The following CDH1 variants were observed in gnomAD, a reference collection of about 807,000 sequenced individuals.
The protein encoded by CDH1 is cadherin 1, also known as cadherin-1.
CDH1 carries 35 observed loss-of-function variants against 84.5 expected under a neutral mutation model. The observed-to-expected ratio is 0.41, with a 90% CI of 0.32 to 0.55. The LOEUF (loss-of-function observed/expected upper bound fraction) is 0.55. Among genes scored for constraint, CDH1 ranks in the 20% least tolerant of loss-of-function variants. The pLI is 0.19. For synonymous variants in CDH1, 417 were observed against 439.0 expected (o/e 0.95, Z 0.63); for missense variants, 994 against 1,126.6 (o/e 0.88, Z 1.68).
chr16:68,770,467 A>G (rs140496837), intron 2 of CDH1, among the ~76,000 whole-genome samples: 59 of 152,202 alleles, frequency 3.9e-4, no homozygotes, highest in Middle Eastern at 6.8e-3. Flanking sequence ...GGTACCAGCC[A>G]GTTGACATCC....
At chr16:68,784,307 C>T (rs1959978487) in intron 2 of CDH1, among the ~76,000 whole-genome samples, 1 of 152,140 alleles carries the variant, frequency 6.6e-6, no homozygotes, top group Non-Finnish European at 1.5e-5. Context: ...CTGTGCATTA[C>T]AGATGATAAA....
At chr16:68,748,050 C>T (rs1962789205) in intron 2 of CDH1, among the ~76,000 whole-genome samples, 1 of 151,722 alleles carries the variant, frequency 6.6e-6, no homozygotes, top group African/African-American at 2.4e-5. Flanking sequence ...AGGCGTGAGC[C>T]ACCGTGCCTG....
At position 68,792,289 on chromosome 16, in the gene CDH1, GC is replaced by G. The variant is rs536443398; in HGVS notation, c.164-9380del. The stretch of plus-strand genomic sequence containing the variant: ...CTGTCGCCCAGGCTGGAGGGCAGTG[GC>G]GCAATCTTGACTCACTGCAACCTCC... On this transcript the variant is annotated intron_variant, in intron 2 of 15. Coordinates refer to ENST00000261769, the MANE Select transcript of CDH1 (RefSeq NM_004360.5). Among the ~76,000 whole-genome samples the G allele has an allele frequency of 2.9e-3, 445 of 151,246 alleles. 4 individuals are homozygous for G. The highest frequency in any genetic ancestry group is 8.7e-3 in the African/African-American group (359 of 41,070).
chr16:68,778,804 C>T (rs1053370368), intron 2 of CDH1, among the ~76,000 whole-genome samples: 3 of 152,092 alleles, frequency 2.0e-5, no homozygotes, highest in African/African-American at 7.2e-5. Context: ...GAGTATTTAA[C>T]GCTGGTATGA....
chr16:68,806,516 C>T (rs1960666874), intron 3 of CDH1, among the ~76,000 whole-genome samples: 1 of 152,044 alleles, frequency 6.6e-6, no homozygotes, highest in Admixed American at 6.6e-5. Flanking sequence ...TCAATAAAAC[C>T]ATAACTCAGT....
chr16:68,775,229 A>C (rs1238980609), intron 2 of CDH1, among the ~76,000 whole-genome samples: 1 of 152,184 alleles, frequency 6.6e-6, no homozygotes, highest in East Asian at 1.9e-4. Flanking sequence ...CCGAGCATGC[A>C]CTTTATGAGC....
intron 2 of CDH1, among the ~76,000 whole-genome samples, chr16:68,761,901 A>G (rs908875230): frequency 1.3e-5 from 2 of 152,102 alleles, no homozygotes; most frequent in Non-Finnish European, 1.5e-5. Flanking sequence ...AGGGCCTTGT[A>G]CCCATCACCA....
intron 2 of CDH1, among the ~76,000 whole-genome samples, chr16:68,789,180 A>G (rs533966978): frequency 6.6e-5 from 10 of 152,170 alleles, no homozygotes; most frequent in African/African-American, 2.4e-4. Flanking sequence ...GCATGCCACC[A>G]TGCCCAGCTA....
intron 2 of CDH1, among the ~76,000 whole-genome samples, chr16:68,754,659 G>A (rs1962974982): frequency 6.6e-6 from 1 of 152,158 alleles, no homozygotes; most frequent in Admixed American, 6.6e-5. Flanking sequence ...GAGCAGCCAG[G>A]TGAAAGGGAT....
In CDH1 at chr16:68,737,515, C is replaced by CGCCCCAACCCCGT. The variant is rs1555509676; in HGVS notation, c.48+58_48+59insACCCCGTGCCCCA. On this transcript the variant is annotated intron_variant, in intron 1 of 15. Coordinates refer to ENST00000261769, the MANE Select transcript of CDH1 (RefSeq NM_004360.5). ...GGACGCATTCGGGCCGCAAGCTCCG[C>CGCCCCAACCCCGT]GCCCCAGCCCTGCGCCCCTTCCTCT... The CGCCCCAACCCCGT allele has an allele frequency of 3.7e-6, 5 of 1,351,372 alleles. No individual in the cohort carries two copies. The South Asian group carries it at 5.0e-5, about 13-fold the overall frequency. The allele number at this position is 1,351,372 out of a possible 1,614,324, so 83.7% of individuals were successfully genotyped here. A position where few individuals can be genotyped will look rare whatever the true frequency, so the allele number is the denominator to read the frequency against.
intron 2 of CDH1, among the ~76,000 whole-genome samples, chr16:68,769,913 C>T (rs1197368693): frequency 4.0e-5 from 6 of 150,508 alleles, no homozygotes; most frequent in African/African-American, 1.5e-4. Context: ...CTCCTGAGCT[C>T]GTCATGATCT....
intron 13 of CDH1, among the ~76,000 whole-genome samples, chr16:68,825,964 G>A (rs1444522946): frequency 1.3e-5 from 2 of 151,724 alleles, no homozygotes; most frequent in African/African-American, 2.4e-5. Flanking sequence ...CCACAGGCAT[G>A]AGCCACCACA....
chr16:68,821,571 C>T (rs1338468069), intron 11 of CDH1, among the ~76,000 whole-genome samples: 1 of 151,784 alleles, frequency 6.6e-6, no homozygotes, highest in African/African-American at 2.4e-5. Flanking sequence ...TTTTAAGCTT[C>T]TAGTCAGGCT....
chr16:68,756,264 G>C (rs571073406), intron 2 of CDH1, among the ~76,000 whole-genome samples: 1 of 152,076 alleles, frequency 6.6e-6, no homozygotes, highest in African/African-American at 2.4e-5. Flanking sequence ...GTTTGAAAAA[G>C]GGAACAAGAT....
rs7188750 is a variant in CDH1 at position 68,808,992 on chromosome 16, G to A, written c.687+144G>A. 135,244 of 762,632 alleles carry A rather than the reference G, an allele frequency of 0.18. 13,492 individuals are homozygous for A. The highest frequency in any genetic ancestry group is 0.37 in the African/African-American group (21,115 of 57,746). 47.2% of individuals were successfully genotyped at this position (762,632 alleles called of 1,614,324 possible). ...CCTCTTGACCTGTTGCTAAGGAGAA[G>A]TGATGGGAGAACGTGGGACAGTTTG... On this transcript the variant is annotated intron_variant, in intron 5 of 15. Transcript: ENST00000261769.
intron 3 of CDH1, among the ~76,000 whole-genome samples, chr16:68,803,973 G>C (rs7190460): frequency 6.6e-6 from 1 of 151,674 alleles, no homozygotes; most frequent in Non-Finnish European, 1.5e-5. Context: ...AGGAGACCTC[G>C]TGATCCCAGA....
intron 2 of CDH1, among the ~76,000 whole-genome samples, chr16:68,777,810 C>T (rs1180960216): frequency 6.6e-6 from 1 of 151,972 alleles, no homozygotes; most frequent in Non-Finnish European, 1.5e-5. Context: ...CAGCTCACTG[C>T]AACCTTTGCC....
At chr16:68,752,153 T>C (rs1375244145) in intron 2 of CDH1, among the ~76,000 whole-genome samples, 2 of 152,052 alleles carry the variant, frequency 1.3e-5, no homozygotes, top group Non-Finnish European at 2.9e-5. Flanking sequence ...GGTTTCACCA[T>C]GTTGGCCAGG....
At chr16:68,737,902 TAGG>T (rs1323737396) in intron 1 of CDH1, among the ~76,000 whole-genome samples, 2 of 152,000 alleles carry the variant, frequency 1.3e-5, no homozygotes, top group African/African-American at 4.8e-5. Context: ...AGGTCGTAAA[TAGG>T]AGTGAGGGTC....
Sources: allele counts gnomAD v4.1 joint callset (sites outside exome capture counted in the v4.1 genomes callset), GRCh38; gene constraint gnomAD v4.1.1; transcripts MANE v1.5; gene names NCBI Gene and HGNC (gene_info 2026-07-23, HGNC 2026-07-21).